UBE3D: variants seen among roughly 807,000 people sequenced by gnomAD.
The protein encoded by UBE3D is E3 ubiquitin-protein ligase E3D.
Under a neutral mutation model 49.6 loss-of-function variants are expected in UBE3D, and 48 were observed. The ratio of observed to expected loss-of-function variants is 0.97; its 90% CI spans 0.77 to 1.23. The LOEUF (loss-of-function observed/expected upper bound fraction) is 1.23. Ranked by LOEUF, UBE3D falls within the 50% of genes most tolerant of loss-of-function variation. The pLI is 0.00. For missense variants in UBE3D, 452 were observed against 468.4 expected, an observed-to-expected ratio of 0.96 and a Z score of 0.32; for synonymous variants, 189 against 174.2, an observed-to-expected ratio of 1.08 and a Z score of -0.67.
chr6:83,052,594 G>A (rs1454556318), intron 3 of UBE3D, among the ~76,000 whole-genome samples: 1 of 152,084 alleles, frequency 6.6e-6, no homozygotes, highest in Non-Finnish European at 1.5e-5. Flanking sequence ...AAGGCTGTGG[G>A]GCTGCACATT....
chr6:83,011,293 G>T (rs1780320806), intron 8 of UBE3D, among the ~76,000 whole-genome samples: 2 of 152,152 alleles, frequency 1.3e-5, no homozygotes, highest in African/African-American at 4.8e-5. Context: ...TACATTCCTT[G>T]TTTCTGCAAC....
At chr6:82,897,307 T>C (rs1582270732) in intron 9 of UBE3D, among the ~76,000 whole-genome samples, 1 of 152,076 alleles carries the variant, frequency 6.6e-6, no homozygotes, top group East Asian at 1.9e-4. Context: ...ATCCAGTTTC[T>C]TGGCCAGGCG....
At position 82,892,985 on chromosome 6, in the gene UBE3D, C is replaced by A; in HGVS notation, c.*37G>T. 1.2e-6 allele frequency: 2 copies of A among 1,613,400 alleles called. No individual in the cohort carries two copies. The highest frequency in any genetic ancestry group is 1.7e-6 in the Non-Finnish European group (2 of 1,179,648). On this transcript the variant is annotated 3_prime_UTR_variant, in exon 10 of 10. Coordinates refer to ENST00000369747, the MANE Select transcript of UBE3D (RefSeq NM_198920.3). ...GCCTCGGTGTGCTCCTGCTTGAGAG[C>A]TGTCTGCCGGGGGAGGAGAATGCCC...
At chr6:82,913,503 T>G (rs1772681514) in intron 9 of UBE3D, among the ~76,000 whole-genome samples, 1 of 152,224 alleles carries the variant, frequency 6.6e-6, no homozygotes, top group Non-Finnish European at 1.5e-5. Context: ...CATGACCCAC[T>G]TATTCATTAT....
At chr6:82,908,169 A>G (rs1182352210) in intron 9 of UBE3D, among the ~76,000 whole-genome samples, 1 of 152,164 alleles carries the variant, frequency 6.6e-6, no homozygotes, top group African/African-American at 2.4e-5. Context: ...AATAGAGACA[A>G]TGGTTTTCAA....
At chr6:82,956,133 C>T (rs1776140944) in intron 9 of UBE3D, among the ~76,000 whole-genome samples, 1 of 152,092 alleles carries the variant, frequency 6.6e-6, no homozygotes, top group Non-Finnish European at 1.5e-5. Flanking sequence ...CTTGTTTTAC[C>T]ACATAACAGA....
intron 8 of UBE3D, among the ~76,000 whole-genome samples, chr6:83,012,230 G>C (rs750217229): frequency 6.6e-6 from 1 of 152,176 alleles, no homozygotes; most frequent in African/African-American, 2.4e-5. Flanking sequence ...TGTAGGATAG[G>C]CAAATCCATA....
intron 8 of UBE3D, among the ~76,000 whole-genome samples, chr6:83,003,142 C>A (rs1779745946): frequency 6.6e-6 from 1 of 152,144 alleles, no homozygotes; most frequent in Non-Finnish European, 1.5e-5. Context: ...GTTAAGACAA[C>A]TACTTCAGGT....
chr6:82,944,743 G>A (rs1051084837), intron 9 of UBE3D, among the ~76,000 whole-genome samples: 2 of 152,160 alleles, frequency 1.3e-5, no homozygotes, highest in African/African-American at 4.8e-5. Flanking sequence ...TGCCCTGAAG[G>A]GTGAGTCCCA....
intron 5 of UBE3D, among the ~76,000 whole-genome samples, chr6:83,031,100 C>G (rs867474901): frequency 6.6e-6 from 1 of 152,120 alleles, no homozygotes. Context: ...CTCTGCCTCC[C>G]AAATTCAAGT....
chr6:82,900,966 T>A (rs1771686744), intron 9 of UBE3D, among the ~76,000 whole-genome samples: 1 of 152,214 alleles, frequency 6.6e-6, no homozygotes, highest in African/African-American at 2.4e-5. Context: ...TATTGCCTAC[T>A]ATAATTCCTG....
chr6:82,999,258 C>T (rs552150591), intron 8 of UBE3D, among the ~76,000 whole-genome samples: 1 of 152,336 alleles, frequency 6.6e-6, no homozygotes, highest in South Asian at 2.1e-4. Context: ...AGCTATCCTG[C>T]TCCTGAGGCT....
chr6:82,882,417 A>G, the UBE3D span, among the ~76,000 whole-genome samples: 1 of 152,216 alleles, frequency 6.6e-6, no homozygotes, highest in Admixed American at 6.5e-5. Context: ...TTTGTGGACA[A>G]TTGAATACTT....
downstream of UBE3D, among the ~76,000 whole-genome samples, chr6:82,891,297 G>A (rs941669110): frequency 3.3e-5 from 5 of 152,202 alleles, no homozygotes; most frequent in African/African-American, 1.2e-4. Flanking sequence ...AATCTAGTGG[G>A]TAGAGGTCAG....
chr6:82,898,301 C>A (rs1771477482), intron 9 of UBE3D, among the ~76,000 whole-genome samples: 1 of 152,190 alleles, frequency 6.6e-6, no homozygotes, highest in African/African-American at 2.4e-5. Context: ...CTAGAAATAT[C>A]ATTTGACCCA....
intron 9 of UBE3D, among the ~76,000 whole-genome samples, chr6:82,915,853 T>C (rs293493): frequency 0.67 from 102,234 of 151,932 alleles, 34,899 homozygotes; most frequent in East Asian, 0.79. Flanking sequence ...GAGCAGGAAG[T>C]GATGCAAATA....
rs938420706 is a variant in UBE3D at position 82,926,409 on chromosome 6, A to C, written c.1149+30903T>G. The stretch of plus-strand genomic sequence containing the variant: ...TTGCAAGTTTTGGCAATTATGAATA[A>C]AGCTGCTATAAACATCCCTGTGCAG... On this transcript the variant is annotated intron_variant, in intron 9 of 9. Coordinates refer to ENST00000369747, the MANE Select transcript of UBE3D (RefSeq NM_198920.3). 2.0e-5 allele frequency among the ~76,000 whole-genome samples: 3 copies of C among 152,280 alleles called. No individual in the cohort carries two copies. The South Asian group carries it at 6.2e-4, about 32-fold the overall frequency.
downstream of UBE3D, among the ~76,000 whole-genome samples, chr6:82,891,176 T>A (rs75718177): frequency 4.9e-3 from 741 of 152,368 alleles, 8 homozygotes; most frequent in African/African-American, 0.017. Context: ...TCTCAGGCCA[T>A]ATCTTCCATA....
At chr6:83,011,500 T>C (rs1160407646) in intron 8 of UBE3D, among the ~76,000 whole-genome samples, 1 of 152,180 alleles carries the variant, frequency 6.6e-6, no homozygotes. Flanking sequence ...TTGACCTTAA[T>C]CACAGGGCAA....
Sources: gnomAD v4.1 joint callset for allele counts (sites outside exome capture counted in the v4.1 genomes callset) on GRCh38, gnomAD v4.1.1 for gene constraint, MANE v1.5 for transcripts, NCBI Gene and HGNC (gene_info 2026-07-23, HGNC 2026-07-21) for gene names.